ANO7: variants seen among roughly 807,000 people sequenced by gnomAD.
ANO7 encodes the protein anoctamin 7, also known as anoctamin-7.
ANO7 carries 114 observed loss-of-function variants against 115.8 expected under a neutral mutation model. The ratio of observed to expected loss-of-function variants is 0.98; its 90% CI spans 0.85 to 1.15. ANO7 has a LOEUF of 1.15. Ranked by LOEUF, ANO7 falls within the 50% of genes most tolerant of loss-of-function variation. The pLI is 0.00. For synonymous variants in ANO7, 550 were observed against 498.2 expected (o/e 1.10, Z -1.38); for missense variants, 1,302 against 1,201.2 (o/e 1.08, Z -1.24).
At chr2:241,189,531 C>T (rs1250767941) in intron 1 of ANO7, among the ~76,000 whole-genome samples, 1 of 152,090 alleles carries the variant, frequency 6.6e-6, no homozygotes, top group Non-Finnish European at 1.5e-5. Flanking sequence ...AAGCTGGGAC[C>T]CCCAAGAGTT....
At chr2:241,202,630 C>T (rs1290361996) in intron 8 of ANO7, among the ~76,000 whole-genome samples, 1 of 152,206 alleles carries the variant, frequency 6.6e-6, no homozygotes, top group Non-Finnish European at 1.5e-5. Flanking sequence ...TCTCCTATCC[C>T]CCTCCAGAAG....
chr2:241,233,783 A>C, the ANO7 span: 1 of 1,612,426 alleles, frequency 6.2e-7, no homozygotes, highest in African/African-American at 1.3e-5. This position sits in a 1 kb window ranked among gnomAD's most constrained non-coding sequence, Gnocchi z 4.3. Context: ...GTCAACAAGC[A>C]CCTCTGCCCC....
At chr2:241,234,796 A>G in the ANO7 span, among the ~76,000 whole-genome samples, 1 of 152,230 alleles carries the variant, frequency 6.6e-6, no homozygotes, top group Non-Finnish European at 1.5e-5. Flanking sequence ...TCCTCACTGC[A>G]TAGCACATGC....
chr2:241,191,044 C>G, intron 2 of ANO7, 150 bp from the exon 3 acceptor site: 1 of 889,196 alleles, frequency 1.1e-6, no homozygotes, highest in Non-Finnish European at 1.8e-6. Context: ...CCTACCCACC[C>G]GCCGAACATT....
chr2:241,194,395 A>G (rs2068274737), intron 3 of ANO7, among the ~76,000 whole-genome samples: 1 of 150,924 alleles, frequency 6.6e-6, no homozygotes, highest in Non-Finnish European at 1.5e-5. Context: ...GCTCACTGCA[A>G]GCTCCGTCTC....
Position 241,209,564 on chromosome 2 carries a change from G to A in ANO7, c.1288G>A (p.Asp430Asn). The A allele has an allele frequency of 1.2e-6, 2 of 1,602,294 alleles. No individual in the cohort carries two copies. Among genetic ancestry groups the A allele is most frequent in the Admixed American group, 1.7e-5 (1 of 59,366 alleles). ...MTAPNPITGE[D>N]EPYFPERSRA... The stretch of plus-strand genomic sequence containing the variant: ...AGCCCCGAACCCCATCACGGGTGAG[G>A]ACGAGCCCTACTTCCCTGAGAGGAG... The change falls in exon 13 of 25, where the codon GAC becomes AAC. Residue 430 changes from aspartate (D) to asparagine (N), a missense_variant. Transcript: ENST00000674324.
the ANO7 span, chr2:241,238,803 C>A: frequency 3.4e-6 from 5 of 1,468,340 alleles, no homozygotes; most frequent in Admixed American, 2.3e-5. The surrounding 1 kb of genome is among the most constrained non-coding windows in gnomAD (Gnocchi z 4.9). Flanking sequence ...GGGAGGTACA[C>A]AAAGAAAAAA....
the ANO7 span, among the ~76,000 whole-genome samples, chr2:241,237,339 G>C: frequency 6.6e-6 from 1 of 152,336 alleles, no homozygotes; most frequent in East Asian, 1.9e-4. Context: ...ACAGGACACA[G>C]AAGACAGCTG....
intron 4 of ANO7, chr2:241,196,293 C>A: frequency 5.8e-6 from 3 of 520,722 alleles, no homozygotes; most frequent in Non-Finnish European, 7.5e-6. Context: ...GTCCGGGGAG[C>A]GTGAGAAACA....
chr2:241,239,625 T>C, the ANO7 span: 1 of 1,614,182 alleles, frequency 6.2e-7, no homozygotes, highest in Non-Finnish European at 8.5e-7. This position sits in a 1 kb window ranked among gnomAD's most constrained non-coding sequence, Gnocchi z 4.6. Flanking sequence ...ATCTCCTGAA[T>C]GCGTTTCTTG....
the ANO7 span, among the ~76,000 whole-genome samples, chr2:241,239,022 G>A: frequency 1.3e-5 from 2 of 152,182 alleles, no homozygotes; most frequent in Admixed American, 1.3e-4. The surrounding 1 kb of genome is among the most constrained non-coding windows in gnomAD (Gnocchi z 4.6). Context: ...GCCATCCCTG[G>A]AGGGTGGCCA....
intron 7 of ANO7, 76 bp from the exon 8 acceptor site, chr2:241,202,118 A>C (rs774970822): frequency 3.6e-5 from 47 of 1,297,744 alleles, no homozygotes; most frequent in Non-Finnish European, 5.2e-5. Context: ...CTTGGCCTAA[A>C]GACAGGCTAG....
chr2:241,199,285 CA>C, intron 4 of ANO7, 30 bp from the exon 5 acceptor site: 1 of 1,585,734 alleles, frequency 6.3e-7, no homozygotes, highest in Non-Finnish European at 8.7e-7. Flanking sequence ...CATGCACCCT[CA>C]GGCTCTCACG....
downstream of ANO7, among the ~76,000 whole-genome samples, chr2:241,226,667 G>C (rs77878158): frequency 1.1e-4 from 16 of 152,144 alleles, no homozygotes; most frequent in East Asian, 2.7e-3. Context: ...CTCGTGATCC[G>C]CCCACCTCGG....
chr2:241,214,807 C>T lies in ANO7; in HGVS notation c.1731C>T (p.Cys577=), dbSNP rs760554276. 1.1e-5 allele frequency: 17 copies of T among 1,611,018 alleles called. No homozygotes were observed. The highest frequency in any genetic ancestry group is 1.4e-5 in the Non-Finnish European group (16 of 1,179,832). The change falls in exon 18 of 25, where the codon TGC becomes TGT. Residue 577 remains cysteine (C), a splice_region_variant and synonymous_variant. Transcript: ENST00000674324. ...TAACCTGAGCCCTGCTGCCGTAGTG[C>T]GCGGCTGGAGGCTGCCTGATCGAGC... ...HTLFGVRNEE[C]AAGGCLIELA...
rs567145188 is a variant in ANO7 at position 241,208,999 on chromosome 2, T to A, written c.1078-286T>A. ...CTCGTCTCTACTAAAAATACAAAAA[T>A]TTAGCCGGGCGTGGTGGCGGGCGCC... is the stretch of plus-strand genomic sequence containing the variant. On this transcript the variant is annotated intron_variant, in intron 11 of 24. Coordinates refer to ENST00000674324, the MANE Select transcript of ANO7 (RefSeq NM_001370694.2). Among the ~76,000 whole-genome samples, 98 of 152,090 alleles carry A rather than the reference T, an allele frequency of 6.4e-4. 1 individual carries two copies. The highest frequency in any genetic ancestry group is 3.4e-3 in the Middle Eastern group (1 of 294).
chr2:241,218,429 G>A (rs1380906684), intron 21 of ANO7, 48 bp downstream of exon 21: 30 of 1,267,388 alleles, frequency 2.4e-5, no homozygotes, highest in Non-Finnish European at 2.9e-5. Context: ...CGAGGACGAG[G>A]CGGAGCGGGG....
chr2:241,212,305 G>T (rs773795509), intron 16 of ANO7, 100 bp downstream of exon 16: 2 of 1,241,022 alleles, frequency 1.6e-6, no homozygotes, highest in East Asian at 2.3e-5. Context: ...CCGTGCTCAG[G>T]CAGGTGGAGG....
downstream of ANO7, among the ~76,000 whole-genome samples, chr2:241,226,288 G>C (rs1187315983): frequency 6.6e-6 from 1 of 152,124 alleles, no homozygotes; most frequent in African/African-American, 2.4e-5. Flanking sequence ...CTCCATCCGT[G>C]CCGAGCATCC....
Sources: allele counts gnomAD v4.1 joint callset (sites outside exome capture counted in the v4.1 genomes callset), GRCh38; gene constraint gnomAD v4.1.1; non-coding constraint Gnocchi (gnomAD v3.1); transcripts MANE v1.5; gene names NCBI Gene and HGNC (gene_info 2026-07-23, HGNC 2026-07-21).